The following KIF11 variants were observed in gnomAD, a reference collection of about 807,000 sequenced individuals.
KIF11 encodes kinesin-like protein KIF11.
In KIF11, 9 loss-of-function variants were observed where a neutral mutation model predicts 121.0. The observed-to-expected ratio is 0.07, with a 90% CI of 0.04 to 0.13. KIF11 has a LOEUF of 0.13. Among genes scored for constraint, KIF11 ranks in the 10% least tolerant of loss-of-function variants. The pLI, the probability that KIF11 is intolerant of heterozygous loss-of-function variation, is 1.00. For missense variants in KIF11, 846 were observed against 1,217.5 expected (o/e 0.69, Z 4.54); for synonymous variants, 408 against 421.0 (o/e 0.97, Z 0.38).
At chr10:92,633,949 C>T (rs1844766156) in intron 14 of KIF11, among the ~76,000 whole-genome samples, 154 bp downstream of exon 14, 1 of 152,126 alleles carries the variant, frequency 6.6e-6, no homozygotes, top group Non-Finnish European at 1.5e-5. Flanking sequence ...AGACACGTCA[C>T]TGTGAGAGAC....
intron 1 of KIF11, among the ~76,000 whole-genome samples, chr10:92,593,940 C>A (rs1844262740): frequency 6.6e-6 from 1 of 152,112 alleles, no homozygotes; most frequent in Non-Finnish European, 1.5e-5. Context: ...TTTAAAAGAT[C>A]AAGACAAGTT....
intron 9 of KIF11, among the ~76,000 whole-genome samples, chr10:92,620,836 G>A (rs1020273543): frequency 2.6e-5 from 4 of 152,166 alleles, no homozygotes; most frequent in African/African-American, 7.2e-5. Context: ...GAAAAGATCC[G>A]CCCCTACGAT....
intron 1 of KIF11, among the ~76,000 whole-genome samples, chr10:92,596,560 C>T (rs1436647747): frequency 6.8e-6 from 1 of 146,310 alleles, no homozygotes; most frequent in African/African-American, 2.5e-5. Context: ...TTCAAGTAGC[C>T]ATCCATTGGG....
chr10:92,614,620 C>T (rs10882091), intron 8 of KIF11, among the ~76,000 whole-genome samples: 106,149 of 151,918 alleles, frequency 0.7, 38,442 homozygotes, highest in East Asian at 0.93. Flanking sequence ...TAGAAGCAGG[C>T]CAAGTGAATG....
intron 13 of KIF11, among the ~76,000 whole-genome samples, chr10:92,633,156 A>G (rs1844757740): frequency 6.6e-6 from 1 of 152,148 alleles, no homozygotes; most frequent in African/African-American, 2.4e-5. Context: ...CTCCCTTTAG[A>G]AAAAAGTATG....
intron 9 of KIF11, 101 bp downstream of exon 9, chr10:92,616,933 C>T (rs757661675): frequency 1.6e-6 from 1 of 642,116 alleles, no homozygotes; most frequent in Non-Finnish European, 2.7e-6. Context: ...TGTTAAATTG[C>T]CCATGGAAGG....
In KIF11 at chr10:92,593,296, C is replaced by T. The variant is rs993827553; in HGVS notation, c.-80C>T. 2.8e-5 allele frequency: 41 copies of T among 1,440,576 alleles called. No individual in the cohort carries two copies. The highest frequency in any genetic ancestry group is 3.2e-5 in the Non-Finnish European group (34 of 1,054,872). The allele number at this position is 1,440,576 out of a possible 1,614,324, so 89.2% of individuals were successfully genotyped here. ...CGAGAGGGACCAGGGAGACTCCGGCCCCTGTCGGCCGCCAAGCCCCTCCGC... is the reference window on the plus strand; with the variant it reads ...CGAGAGGGACCAGGGAGACTCCGGCTCCTGTCGGCCGCCAAGCCCCTCCGC... On this transcript the variant is annotated 5_prime_UTR_variant, in exon 1 of 22. Coordinates refer to ENST00000260731, the MANE Select transcript of KIF11 (RefSeq NM_004523.4).
Position 92,655,120 on chromosome 10 carries a change from CAGAA to C in KIF11, c.*1325_*1328del, listed in dbSNP as rs1278797679. 3.9e-5 allele frequency: 6 copies of C among 152,608 alleles called. No homozygotes were observed. Among genetic ancestry groups the C allele is most frequent in the African/African-American group, 1.4e-4 (6 of 41,436 alleles). 9.5% of individuals were successfully genotyped at this position (152,608 alleles called of 1,614,324 possible). A position where few individuals can be genotyped will look rare whatever the true frequency, so the allele number is the denominator to read the frequency against. On this transcript the variant is annotated 3_prime_UTR_variant, in exon 22 of 22. Transcript: ENST00000260731. ...GATGTTTCAGCTTGAAGAACCAAAA[CAGAA>C]GGAATATGTACAAAGAATAAATTTT...
Position 92,653,728 on chromosome 10 carries a change from G to C in KIF11, c.3103G>C (p.Val1035Leu). Residue 1035 changes from valine to leucine, a missense_variant, in exon 22 of 22, where the codon GTG (valine) becomes CTG (leucine). Around this residue, in one of 5 missense-constraint regions of KIF11, gnomAD observed 492 missense variants for 603.4 expected, o/e 0.82. Coordinates refer to ENST00000260731, the MANE Select transcript of KIF11 (RefSeq NM_004523.4). ...CATTAACACACTGGAGAGGTCTAAA[G>C]TGGAAGAAACTACAGAGCACTTGGT... ...RGINTLERSK[V>L]EETTEHLVTK... is the part of the protein sequence containing the mutation. The C allele has an allele frequency of 2.5e-6, 4 of 1,613,610 alleles. No homozygotes were observed. The highest frequency in any genetic ancestry group is 3.4e-6 in the Non-Finnish European group (4 of 1,179,546).
At position 92,651,528 on chromosome 10, in the gene KIF11, T is replaced by A. The variant is rs1379572046; in HGVS notation, c.3039+1011T>A. ...TTTTGTTTTTTTTTTTTTTTTTTTT[T>A]TTTTTTTTTTTTTTTTTTTTAGTAG... On this transcript the variant is annotated intron_variant, in intron 21 of 21. Coordinates refer to ENST00000260731, the MANE Select transcript of KIF11 (RefSeq NM_004523.4). 3.6e-3 allele frequency among the ~76,000 whole-genome samples: 424 copies of A among 118,462 alleles called. 33 individuals carry two copies. The highest frequency in any genetic ancestry group is 0.011 in the African/African-American group (384 of 34,306). The allele number at this position is 118,462 out of a possible 152,430, so 77.7% of individuals were successfully genotyped here.
chr10:92,611,703 A>G (rs1397950815), intron 6 of KIF11, among the ~76,000 whole-genome samples: 2 of 152,100 alleles, frequency 1.3e-5, no homozygotes, highest in East Asian at 3.9e-4. Context: ...GTTCAAGACC[A>G]GCCTGGCCAA....
intron 1 of KIF11, among the ~76,000 whole-genome samples, chr10:92,599,554 C>T (rs1200107010): frequency 1.3e-5 from 2 of 149,868 alleles, no homozygotes; most frequent in African/African-American, 2.4e-5. Context: ...AAAGAAACGT[C>T]GCTGGATTTT....
At chr10:92,628,113 A>AT (rs890546577) in intron 10 of KIF11, among the ~76,000 whole-genome samples, 1 of 152,088 alleles carries the variant, frequency 6.6e-6, no homozygotes, top group African/African-American at 2.4e-5. Context: ...GTCCAGTGAC[A>AT]TTTTTTATCA....
At chr10:92,642,512 T>G (rs1844876229) in intron 17 of KIF11, among the ~76,000 whole-genome samples, 1 of 152,238 alleles carries the variant, frequency 6.6e-6, no homozygotes, top group African/African-American at 2.4e-5. Flanking sequence ...CTTACTGAGT[T>G]TCTGCCTATT....
rs779361129 is a variant in KIF11 at position 92,630,320 on chromosome 10, G to A, written c.1450G>A (p.Ala484Thr). 8.7e-6 allele frequency: 14 copies of A among 1,603,490 alleles called. No homozygotes were observed. The African/African-American group carries it at 1.8e-4, about 20-fold the overall frequency. The part of the protein sequence containing the change: ...QLVKEEYITS[A>T]LESTEEKLHD... ...TGTTAAAGAAGAATATATCACATCAGCTTTGGAAAGTACTGAGGAGAAACT... is the reference window on the plus strand; with the variant it reads ...TGTTAAAGAAGAATATATCACATCAACTTTGGAAAGTACTGAGGAGAAACT... Residue 484 changes from alanine to threonine, a missense_variant, in exon 12 of 22, where the codon GCT becomes ACT. Transcript: ENST00000260731.
At chr10:92,630,476 C>T in intron 12 of KIF11, 112 bp downstream of exon 12, 1 of 542,262 alleles carries the variant, frequency 1.8e-6, no homozygotes, top group African/African-American at 2.0e-5. Context: ...GTATTTCTGT[C>T]CATTTAAAAA....
In KIF11 at chr10:92,621,374, C is replaced by G; in HGVS notation, c.1129-11C>G. 1 of 1,560,516 alleles carries G rather than the reference C, an allele frequency of 6.4e-7. No individual in the cohort carries two copies. Among genetic ancestry groups the G allele is most frequent in the Non-Finnish European group, 8.8e-7 (1 of 1,136,136 alleles). On this transcript the variant is annotated splice_polypyrimidine_tract_variant and intron_variant, in intron 9 of 21. Coordinates refer to ENST00000260731, the MANE Select transcript of KIF11 (RefSeq NM_004523.4). ...TACTAAACTGACACCTACAACATTC[C>G]TCTTGTGTAGGAGTATACGGAGGAG...
chr10:92,606,828 A>C, intron 3 of KIF11, 112 bp downstream of exon 3: 1 of 732,806 alleles, frequency 1.4e-6, no homozygotes, highest in Non-Finnish European at 2.5e-6. Flanking sequence ...CCCAGGCTGG[A>C]GTGCAATGGC....
rs17107776 is a variant in KIF11, at chr10:92,644,787, C to G, written c.2268-576C>G. Reference sequence around the variant, plus strand: ...TGGAATGCTATTATAGGGCAACTTACCGAGATGGAAATTATCAATGAATTT... The same window carrying G: ...TGGAATGCTATTATAGGGCAACTTAGCGAGATGGAAATTATCAATGAATTT... On this transcript the variant is annotated intron_variant, in intron 17 of 21. Coordinates refer to ENST00000260731, the MANE Select transcript of KIF11 (RefSeq NM_004523.4). Among the ~76,000 whole-genome samples the G allele has an allele frequency of 7.2e-4, 109 of 152,178 alleles. 2 individuals carry two copies. In the East Asian group the frequency reaches 0.016, roughly 22 times the overall value.
Sources: gnomAD v4.1 joint callset for allele counts (sites outside exome capture counted in the v4.1 genomes callset) on GRCh38, gnomAD v4.1.1 for gene constraint, gnomAD v4.1.1 regional missense constraint, MANE v1.5 for transcripts, NCBI Gene and HGNC (gene_info 2026-07-23, HGNC 2026-07-21) for gene names.